Variants in ZNF816 observed in about 807,000 individuals in gnomAD.
ZNF816 encodes zinc finger protein 816.
Under a neutral mutation model 8.3 loss-of-function variants are expected in ZNF816, and 11 were observed. The ratio of observed to expected loss-of-function variants is 1.32; its 90% CI spans 0.83 to 2.19. The LOEUF (loss-of-function observed/expected upper bound fraction) is 2.19, where lower values mean the gene tolerates loss of function less well. Among genes scored for constraint, ZNF816 ranks in the 30% most tolerant of loss-of-function variants. The pLI is 0.00. For synonymous variants in ZNF816, 255 were observed against 254.5 expected (o/e 1.00, Z -0.02); for missense variants, 710 against 779.3 (o/e 0.91, Z 1.06).
intron 2 of ZNF816, chr19:52,953,522 T>A (rs1285965390): frequency 2.2e-5 from 1 of 44,752 alleles, no homozygotes; most frequent in Non-Finnish European, 3.6e-5. Context: ...ATAATATATA[T>A]TTATAATATA....
chr19:52,951,289 C>T lies in ZNF816; in HGVS notation c.486G>A (p.Ser162=), dbSNP rs759711978. ...IKDQLGLSFH[S]HLPELHMFQT... ...GAAACATGTGGAGTTCAGGCAGATG[C>T]GAATGAAAGCTTAATCCAAGCTGAT... The change falls in exon 4 of 4, where the codon TCG becomes TCA. Residue 162 remains serine, a synonymous_variant. Coordinates refer to ENST00000444460, the MANE Select transcript of ZNF816 (RefSeq NM_001202457.3). 38 of 1,614,030 alleles carry T rather than the reference C, an allele frequency of 2.4e-5. No homozygotes were observed. The highest frequency in any genetic ancestry group is 6.6e-5 in the South Asian group (6 of 91,090).
At chr19:52,959,847 C>G (rs1411468680) in intron 1 of ZNF816, among the ~76,000 whole-genome samples, 1 of 152,164 alleles carries the variant, frequency 6.6e-6, no homozygotes, top group East Asian at 1.9e-4. Context: ...AACTCCAGAG[C>G]TGACTCAGAA....
chr19:52,954,510 T>G (rs1241915111), intron 2 of ZNF816, among the ~76,000 whole-genome samples: 2 of 151,970 alleles, frequency 1.3e-5, no homozygotes, highest in Admixed American at 1.3e-4. Flanking sequence ...TTTTCAGAAC[T>G]TGCAGGATAA....
chr19:52,951,359 G>A lies in ZNF816; in HGVS notation c.416C>T (p.Thr139Ile). The A allele has an allele frequency of 6.2e-7, 1 of 1,614,120 alleles. No individual in the cohort carries two copies. The highest frequency in any genetic ancestry group is 1.1e-5 in the South Asian group (1 of 91,082). The change falls in exon 4 of 4, where the codon ACA (threonine) becomes ATA (isoleucine). Residue 139 changes from threonine (T) to isoleucine (I), a missense_variant. Transcript: ENST00000444460. The part of the protein sequence containing the change: ...MTKIKKLTGS[T>I]DRSDHRHAGN... ...AGCATGCCTGTGATCACTTCGGTCT[G>A]TACTACCAGTCAACTTTTTGATTTT...
At position 52,949,414 on chromosome 19, in the gene ZNF816, G is replaced by T; in HGVS notation, c.*405C>A. The T allele has an allele frequency of 3.4e-6, 1 of 291,344 alleles. No individual in the cohort carries two copies. Among genetic ancestry groups the T allele is most frequent in the African/African-American group, 2.2e-5 (1 of 45,978 alleles). The allele number at this position is 291,344 out of a possible 1,614,324, so 18.0% of individuals were successfully genotyped here. A position where few individuals can be genotyped will look rare whatever the true frequency, so the allele number is the denominator to read the frequency against. ...ATGATTTTTTATATTCATTTTATTT[G>T]GAACAATTATCTCAAAAATGAATTT... On this transcript the variant is annotated 3_prime_UTR_variant, in exon 4 of 4. Transcript: ENST00000444460.
chr19:52,960,342 A>C (rs2083545894), intron 1 of ZNF816, among the ~76,000 whole-genome samples: 1 of 152,352 alleles, frequency 6.6e-6, no homozygotes, highest in African/African-American at 2.4e-5. Context: ...AGGTAGGTGG[A>C]GGCTTATCCC....
chr19:52,958,152 C>G (rs753274861), intron 1 of ZNF816, among the ~76,000 whole-genome samples: 2 of 152,158 alleles, frequency 1.3e-5, no homozygotes, highest in African/African-American at 2.4e-5. Flanking sequence ...ATTACAGTCC[C>G]TTGTCAGTCT....
At chr19:52,954,665 T>C (rs951553048) in intron 2 of ZNF816, among the ~76,000 whole-genome samples, 1 of 151,932 alleles carries the variant, frequency 6.6e-6, no homozygotes, top group African/African-American at 2.4e-5. Context: ...TCTGTACTAA[T>C]AACACAACAA....
At chr19:52,954,040 CAAAAAAAA>C (rs754620563) in intron 2 of ZNF816, among the ~76,000 whole-genome samples, 1 of 94,700 alleles carries the variant, frequency 1.1e-5, no homozygotes, top group Non-Finnish European at 2.1e-5. Context: ...GACTCTTTCT[CAAAAAAAA>C]AAAAAAAAAG....
rs8110062 is a variant in ZNF816 at position 52,950,524 on chromosome 19, C to T, written c.1251G>A (p.Lys417=). ...TGTATGATCCCTCTCCAGTATGAAT[C>T]TTCCTATGTCTTTCAAGGTGTGATC... ...IRRSHLERHR[K]IHTGEGSYKC... Residue 417 remains lysine (K), a synonymous_variant, in exon 4 of 4, where the codon AAG becomes AAA. Transcript: ENST00000444460. The T allele has an allele frequency of 0.37, 592,388 of 1,612,576 alleles. 117,582 individuals carry two copies. Among genetic ancestry groups the T allele is most frequent in the African/African-American group, 0.8 (60,019 of 74,832 alleles).
In ZNF816 at chr19:52,950,473, G is replaced by A. The variant is rs780730194; in HGVS notation, c.1302C>T (p.Phe434=). Residue 434 remains phenylalanine, a synonymous_variant, in exon 4 of 4, where the codon TTC becomes TTT. Transcript: ENST00000444460. ...GTTCTGCAAGGTATGAATCACTCCGGAAAACCTTGTCACAAACCTTACATT... is the reference window on the plus strand; with the variant it reads ...GTTCTGCAAGGTATGAATCACTCCGAAAAACCTTGTCACAAACCTTACATT... ...SYKCKVCDKV[F]RSDSYLAEHQ... 3 of 1,613,320 alleles carry A rather than the reference G, an allele frequency of 1.9e-6. No individual in the cohort carries two copies. Among genetic ancestry groups the A allele is most frequent in the Non-Finnish European group, 2.5e-6 (3 of 1,179,930 alleles).
chr19:52,956,224 C>G, intron 1 of ZNF816, 120 bp from the exon 2 acceptor site: 1 of 1,092,450 alleles, frequency 9.2e-7, no homozygotes. Flanking sequence ...CTACCCACTG[C>G]ACCAGAGACC....
At chr19:52,961,314 T>C (rs35961480) in intron 1 of ZNF816, among the ~76,000 whole-genome samples, 6,941 of 152,168 alleles carry the variant, frequency 0.046, 188 homozygotes, top group Middle Eastern at 0.099. Context: ...AACTTTAAAT[T>C]TGATGCTTGT....
At position 52,950,692 on chromosome 19, in the gene ZNF816, T is replaced by A. The variant is rs756347077; in HGVS notation, c.1083A>T (p.Ala361=). ...GRNSALVIHK[A]IHTGEKPYKC... is the part of the protein sequence containing the mutation. ...TGTAAGGTTTCTCTCCAGTATGAAT[T>A]GCCTTATGAATTACAAGGGCTGAAT... Residue 361 remains alanine (A), a synonymous_variant, in exon 4 of 4, where the codon GCA becomes GCT. Transcript: ENST00000444460. 4 of 1,614,164 alleles carry A rather than the reference T, an allele frequency of 2.5e-6. No individual in the cohort carries two copies. The Admixed American group carries it at 6.7e-5, about 27-fold the overall frequency.
intron 1 of ZNF816, 69 bp from the exon 2 acceptor site, chr19:52,956,173 C>A: frequency 6.6e-7 from 1 of 1,521,172 alleles, no homozygotes; most frequent in South Asian, 1.2e-5. Context: ...ACAAAACACA[C>A]ACACAGGGGA....
At chr19:52,956,278 T>C in intron 1 of ZNF816, 174 bp from the exon 2 acceptor site, 1 of 658,958 alleles carries the variant, frequency 1.5e-6, no homozygotes, top group Non-Finnish European at 2.4e-6. Flanking sequence ...ACAAATGTAA[T>C]TTTGACCCGT....
At position 52,950,544 on chromosome 19, in the gene ZNF816, G is replaced by A. The variant is rs2083447605; in HGVS notation, c.1231C>T (p.His411Tyr). ...ECDNVYIRRS[H>Y]LERHRKIHTG... ...TGAATCTTCCTATGTCTTTCAAGGT[G>A]TGATCTGCGAATGTAAACATTGTCA... The change falls in exon 4 of 4, where the codon CAC (histidine) becomes TAC (tyrosine). Residue 411 changes from histidine to tyrosine, a missense_variant. Transcript: ENST00000444460. 1 of 1,613,064 alleles carries A rather than the reference G, an allele frequency of 6.2e-7. No homozygotes were observed. Among genetic ancestry groups the A allele is most frequent in the Non-Finnish European group, 8.5e-7 (1 of 1,179,590 alleles).
intron 1 of ZNF816, among the ~76,000 whole-genome samples, chr19:52,958,690 AG>A (rs2083530821): frequency 6.6e-6 from 1 of 152,220 alleles, no homozygotes; most frequent in Admixed American, 6.5e-5. Context: ...TACATTACCT[AG>A]GATTTACTAT....
chr19:52,959,885 T>G (rs1191078978), intron 1 of ZNF816: 2 of 152,534 alleles, frequency 1.3e-5, no homozygotes, highest in Non-Finnish European at 2.9e-5. Context: ...CACACCCTAC[T>G]GGGCATCAGT....
Sources: gnomAD v4.1 joint callset for allele counts (sites outside exome capture counted in the v4.1 genomes callset) on GRCh38, gnomAD v4.1.1 for gene constraint, MANE v1.5 for transcripts, NCBI Gene and HGNC (gene_info 2026-07-23, HGNC 2026-07-21) for gene names.